LRP6: variants seen among roughly 807,000 people sequenced by gnomAD.
The protein encoded by LRP6 is LDL receptor related protein 6.
Under a neutral mutation model 184.1 loss-of-function variants are expected in LRP6, and 43 were observed. That is an observed-to-expected ratio of 0.23 (90% CI 0.18 to 0.30). The LOEUF is 0.30. LRP6 is among the 10% of genes least tolerant of loss of function. LRP6 has a pLI of 1.00. For synonymous variants in LRP6, 719 were observed against 684.9 expected, an observed-to-expected ratio of 1.05 and a Z score of -0.78; for missense variants, 1,571 against 2,005.3, an observed-to-expected ratio of 0.78 and a Z score of 4.14.
At chr12:12,160,139 A>G (rs1591899594) in intron 10 of LRP6, among the ~76,000 whole-genome samples, 175 bp from the exon 11 acceptor site, 1 of 152,140 alleles carries the variant, frequency 6.6e-6, no homozygotes, top group Non-Finnish European at 1.5e-5. Flanking sequence ...CCTAAACTAA[A>G]TATTTTTTTC....
Position 12,246,038 on chromosome 12 carries a change from T to C in LRP6, c.56-1383A>G, listed in dbSNP as rs189646490. Reference sequence around the variant, plus strand: ...TTTTTTTGAGACAGAGTTTTGCTCTTGTTGCCCAGGCTGGAGTGCAATGGC... The same window carrying C: ...TTTTTTTGAGACAGAGTTTTGCTCTCGTTGCCCAGGCTGGAGTGCAATGGC... On this transcript the variant is annotated intron_variant, in intron 1 of 22. Coordinates refer to ENST00000261349, the MANE Select transcript of LRP6 (RefSeq NM_002336.3). Among the ~76,000 whole-genome samples the C allele has an allele frequency of 2.1e-3, 312 of 147,998 alleles. 1 individual carries two copies. The highest frequency in any genetic ancestry group is 7.5e-3 in the African/African-American group (301 of 40,296).
intron 3 of LRP6, 87 bp from the exon 4 acceptor site, chr12:12,187,206 G>C: frequency 9.1e-7 from 1 of 1,102,674 alleles, no homozygotes; most frequent in South Asian, 1.3e-5. Flanking sequence ...AATGATCTTA[G>C]TTCACATTAA....
chr12:12,130,829 A>G lies in LRP6; in HGVS notation c.4035T>C (p.Cys1345=). ...NGQCIGKHKK[C]DHNVDCSDKS... ...TGTCACTGCAATCCACATTATGATC[A>G]CACTTCTTGTGCTTTCCAATGCACT... The change falls in exon 19 of 23, where the codon TGT becomes TGC. Residue 1345 remains cysteine, a synonymous_variant. Coordinates refer to ENST00000261349, the MANE Select transcript of LRP6 (RefSeq NM_002336.3). 6.2e-7 allele frequency: 1 copy of G among 1,613,852 alleles called. No homozygotes were observed.
intron 2 of LRP6, among the ~76,000 whole-genome samples, chr12:12,222,379 A>G (rs960540585): frequency 1.3e-5 from 2 of 152,032 alleles, no homozygotes; most frequent in African/African-American, 4.8e-5. Context: ...CAGACTGACC[A>G]ACATGGTGAA....
intron 15 of LRP6, chr12:12,138,764 T>A: frequency 6.7e-7 from 1 of 1,495,388 alleles, no homozygotes; most frequent in Admixed American, 2.0e-5. Context: ...GCAGTAAATA[T>A]TCTAGTTCAT....
intron 2 of LRP6, among the ~76,000 whole-genome samples, chr12:12,220,107 G>A (rs1292135467): frequency 6.6e-6 from 1 of 152,046 alleles, no homozygotes. Context: ...GGCCAACATG[G>A]TAAAACCCTG....
intron 2 of LRP6, among the ~76,000 whole-genome samples, chr12:12,234,691 T>G (rs1478399091): frequency 6.6e-6 from 1 of 151,324 alleles, no homozygotes; most frequent in Non-Finnish European, 1.5e-5. Context: ...ATTAGCCGGG[T>G]GTGGTGGCGC....
chr12:12,244,418 T>C lies in LRP6; in HGVS notation c.293A>G (p.Asp98Gly). The C allele has an allele frequency of 6.2e-7, 1 of 1,614,192 alleles. No homozygotes were observed. The highest frequency in any genetic ancestry group is 8.5e-7 in the Non-Finnish European group (1 of 1,180,026). ...TCCAAGCCAATCACATGCCAGCCCATCGGGGGACAATAATCCAGAAACAAC... is the reference window on the plus strand; with the variant it reads ...TCCAAGCCAATCACATGCCAGCCCACCGGGGGACAATAATCCAGAAACAAC... ...NVVVSGLLSP[D>G]GLACDWLGEK... is the part of the protein sequence containing the mutation. Residue 98 changes from aspartate (D) to glycine (G), a missense_variant, in exon 2 of 23, where the codon GAT becomes GGT. Around this residue, in one of 4 missense-constraint regions of LRP6, gnomAD observed 640 missense variants for 851.9 expected, o/e 0.75. Coordinates refer to ENST00000261349, the MANE Select transcript of LRP6 (RefSeq NM_002336.3).
At chr12:12,176,204 G>A (rs1863178628) in intron 7 of LRP6, among the ~76,000 whole-genome samples, 1 of 152,180 alleles carries the variant, frequency 6.6e-6, no homozygotes, top group African/African-American at 2.4e-5. Flanking sequence ...TAAAAATCAG[G>A]AGGGGGGGTG....
At chr12:12,143,064 T>C (rs1235455706) in intron 15 of LRP6, among the ~76,000 whole-genome samples, 2 of 152,106 alleles carry the variant, frequency 1.3e-5, no homozygotes, top group African/African-American at 4.8e-5. Context: ...CATGGTCCTG[T>C]GGTACAAGCT....
intron 2 of LRP6, among the ~76,000 whole-genome samples, chr12:12,235,217 T>C (rs1864901868): frequency 1.3e-5 from 2 of 152,194 alleles, no homozygotes; most frequent in Non-Finnish European, 2.9e-5. Context: ...ATCATGATAA[T>C]GAGAGCCAGG....
chr12:12,216,622 C>T (rs1385837053), intron 2 of LRP6, among the ~76,000 whole-genome samples: 1 of 148,006 alleles, frequency 6.8e-6, no homozygotes, highest in Non-Finnish European at 1.5e-5. Flanking sequence ...ATAGGGTTTT[C>T]TTGGATGTGG....
intron 2 of LRP6, among the ~76,000 whole-genome samples, chr12:12,242,006 G>A (rs554391779): frequency 1.2e-4 from 18 of 152,212 alleles, no homozygotes; most frequent in African/African-American, 4.3e-4. Context: ...TAGTTTTGGG[G>A]AACAAAATGA....
At chr12:12,226,371 G>A (rs1368503153) in intron 2 of LRP6, among the ~76,000 whole-genome samples, 2 of 152,260 alleles carry the variant, frequency 1.3e-5, no homozygotes, top group East Asian at 3.9e-4. Flanking sequence ...AATATGGCAA[G>A]AATATTGCAA....
In LRP6 at chr12:12,244,420, G is replaced by C; in HGVS notation, c.291C>G (p.Pro97=). Residue 97 remains proline, a synonymous_variant, in exon 2 of 23, where the codon CCC becomes CCG. Coordinates refer to ENST00000261349, the MANE Select transcript of LRP6 (RefSeq NM_002336.3). ...CAAGCCAATCACATGCCAGCCCATC[G>C]GGGGACAATAATCCAGAAACAACAA... ...QNVVVSGLLS[P]DGLACDWLGE... 4.3e-6 allele frequency: 7 copies of C among 1,614,100 alleles called. No homozygotes were observed. The highest frequency in any genetic ancestry group is 5.9e-6 in the Non-Finnish European group (7 of 1,180,010).
intron 7 of LRP6, among the ~76,000 whole-genome samples, chr12:12,170,613 A>G (rs1003857589): frequency 7.2e-5 from 11 of 152,114 alleles, no homozygotes; most frequent in African/African-American, 2.4e-4. Flanking sequence ...CATACAGCCT[A>G]TAATAAAATT....
chr12:12,167,024 A>C (rs946143307), intron 7 of LRP6, among the ~76,000 whole-genome samples: 4 of 152,188 alleles, frequency 2.6e-5, no homozygotes, highest in Admixed American at 2.6e-4. Context: ...GCTTGAGCCC[A>C]GGAGTTTGAG....
chr12:12,176,842 AC>A (rs1863196215), intron 7 of LRP6, among the ~76,000 whole-genome samples: 1 of 122,850 alleles, frequency 8.1e-6, no homozygotes, highest in Non-Finnish European at 1.6e-5. Context: ...GTGAGCCCAA[AC>A]TTTTTTTTTT....
At chr12:12,167,471 G>A (rs1003953050) in intron 7 of LRP6, among the ~76,000 whole-genome samples, 9 of 151,958 alleles carry the variant, frequency 5.9e-5, no homozygotes, top group South Asian at 2.1e-4. Context: ...GTGAAACCCC[G>A]TCTCTACTAA....
Sources: gnomAD v4.1 joint callset for allele counts (sites outside exome capture counted in the v4.1 genomes callset) on GRCh38, gnomAD v4.1.1 for gene constraint, gnomAD v4.1.1 regional missense constraint, MANE v1.5 for transcripts, NCBI Gene and HGNC (gene_info 2026-07-23, HGNC 2026-07-21) for gene names.